EPHA6: variants seen among roughly 807,000 people sequenced by gnomAD.
EPHA6 encodes EPH receptor A6.
Under a neutral mutation model 112.0 loss-of-function variants are expected in EPHA6, and 50 were observed. The observed-to-expected ratio is 0.45, with a 90% CI of 0.36 to 0.56. The LOEUF (loss-of-function observed/expected upper bound fraction) is 0.56. Ranked by LOEUF, EPHA6 falls within the 20% of genes least tolerant of loss-of-function variation. The pLI is 0.00. For synonymous variants in EPHA6, 529 were observed against 490.7 expected, an observed-to-expected ratio of 1.08 and a Z score of -1.03; for missense variants, 1,280 against 1,417.4, an observed-to-expected ratio of 0.90 and a Z score of 1.56.
At chr3:97,602,434 G>A (rs879892438) in intron 12 of EPHA6, among the ~76,000 whole-genome samples, 2 of 152,002 alleles carry the variant, frequency 1.3e-5, no homozygotes, top group African/African-American at 2.4e-5. Context: ...ATAAGACACA[G>A]AGATTTGGGG....
intron 2 of EPHA6, among the ~76,000 whole-genome samples, chr3:96,968,706 T>C (rs1211059479): frequency 1.3e-5 from 2 of 151,846 alleles, no homozygotes; most frequent in African/African-American, 4.8e-5. Flanking sequence ...CTAACAGCAA[T>C]TTTAGTTTAC....
intron 11 of EPHA6, among the ~76,000 whole-genome samples, chr3:97,554,094 G>T (rs2093068652): frequency 6.6e-6 from 1 of 152,232 alleles, no homozygotes; most frequent in South Asian, 2.1e-4. Context: ...TTCATTAACT[G>T]CAATTTAGTT....
chr3:97,354,925 T>G (rs185496765), intron 5 of EPHA6, among the ~76,000 whole-genome samples: 2 of 152,130 alleles, frequency 1.3e-5, no homozygotes, highest in African/African-American at 4.8e-5. Context: ...CAGTGGAAAC[T>G]TTACAGATCA....
intron 6 of EPHA6, among the ~76,000 whole-genome samples, chr3:97,425,098 T>A (rs1210267414): frequency 1.3e-5 from 2 of 152,176 alleles, no homozygotes; most frequent in East Asian, 3.9e-4. Context: ...CTGGCTGCTA[T>A]CACAGGCTGG....
intron 3 of EPHA6, among the ~76,000 whole-genome samples, chr3:96,998,681 T>C (rs2043514399): frequency 1.3e-5 from 2 of 151,930 alleles, no homozygotes; most frequent in Non-Finnish European, 2.9e-5. Context: ...TTTAGTTATA[T>C]CTGATGTGTC....
At chr3:97,701,622 A>G (rs896563052) in intron 14 of EPHA6, among the ~76,000 whole-genome samples, 10 of 151,290 alleles carry the variant, frequency 6.6e-5, no homozygotes, top group African/African-American at 9.7e-5. Flanking sequence ...ATATATGTAT[A>G]TATATATATA....
intron 5 of EPHA6, among the ~76,000 whole-genome samples, chr3:97,312,632 G>A (rs562534347): frequency 2.4e-4 from 36 of 151,230 alleles, no homozygotes; most frequent in African/African-American, 7.3e-4. Context: ...TATTTTATAC[G>A]TATCCTTTAT....
chr3:97,139,595 C>T (rs1015785949), intron 3 of EPHA6, among the ~76,000 whole-genome samples: 1 of 152,166 alleles, frequency 6.6e-6, no homozygotes, highest in Non-Finnish European at 1.5e-5. Context: ...GGAATTCATA[C>T]AGAGACTTGG....
intron 13 of EPHA6, among the ~76,000 whole-genome samples, chr3:97,634,826 C>G (rs1308128577): frequency 6.6e-6 from 1 of 152,060 alleles, no homozygotes; most frequent in Admixed American, 6.6e-5. Flanking sequence ...CCCAATCCTG[C>G]TTTCTTCTCT....
At position 97,535,907 on chromosome 3, in the gene EPHA6, A is replaced by T. The variant is rs138533873; in HGVS notation, c.2386+3364A>T. ...CAAGTGTTATAAAGTTCTTGGGAAC[A>T]CTTTGGCTCTCTTTCATATTTGGGC... On this transcript the variant is annotated intron_variant, in intron 11 of 17. Transcript: ENST00000389672. 3.7e-3 allele frequency among the ~76,000 whole-genome samples: 559 copies of T among 152,262 alleles called. 7 individuals are homozygous for T. Among genetic ancestry groups the T allele is most frequent in the African/African-American group, 0.013 (540 of 41,562 alleles).
chr3:97,600,313 A>G (rs1277875649), intron 12 of EPHA6, among the ~76,000 whole-genome samples: 1 of 149,768 alleles, frequency 6.7e-6, no homozygotes, highest in Non-Finnish European at 1.5e-5. Flanking sequence ...GTTGAATAGG[A>G]GTGGTGAGAG....
chr3:97,382,024 C>T (rs974905986), intron 5 of EPHA6, among the ~76,000 whole-genome samples: 7 of 151,986 alleles, frequency 4.6e-5, no homozygotes, highest in African/African-American at 1.7e-4. Context: ...TATTTATTTA[C>T]AAACAATGTC....
At chr3:97,080,757 C>T (rs982833041) in intron 3 of EPHA6, among the ~76,000 whole-genome samples, 1 of 151,838 alleles carries the variant, frequency 6.6e-6, no homozygotes, top group Non-Finnish European at 1.5e-5. Flanking sequence ...GTTTGAATTT[C>T]CTGTTCCTTT....
At chr3:97,633,049 G>A (rs555540673) in intron 13 of EPHA6, among the ~76,000 whole-genome samples, 4 of 152,162 alleles carry the variant, frequency 2.6e-5, no homozygotes, top group East Asian at 1.9e-4. Context: ...ATGAAGCAGC[G>A]CCTTGACAAC....
At position 97,399,295 on chromosome 3, in the gene EPHA6, A is replaced by G. The variant is rs1034738059; in HGVS notation, c.1607-5855A>G. Among the ~76,000 whole-genome samples, 26 of 151,644 alleles carry G rather than the reference A, an allele frequency of 1.7e-4. 1 individual carries two copies. The highest frequency in any genetic ancestry group is 7.2e-4 in the Admixed American group (11 of 15,184). On this transcript the variant is annotated intron_variant, in intron 5 of 17. Coordinates refer to ENST00000389672, the MANE Select transcript of EPHA6 (RefSeq NM_001080448.3). ...GAAATTCATTCTTTTTAACAGTGGA[A>G]TAGTATTCCATTGTGTGTGTTACAT...
intron 3 of EPHA6, among the ~76,000 whole-genome samples, chr3:97,196,692 TG>T (rs893490114): frequency 6.6e-6 from 1 of 151,954 alleles, no homozygotes; most frequent in East Asian, 2.0e-4. Flanking sequence ...ATCTACATTA[TG>T]AGGCACACCA....
intron 5 of EPHA6, among the ~76,000 whole-genome samples, chr3:97,325,029 T>G (rs1399875281): frequency 6.6e-6 from 1 of 152,080 alleles, no homozygotes; most frequent in Non-Finnish European, 1.5e-5. Flanking sequence ...GGTTCCACAC[T>G]ACTTTGGAGG....
chr3:97,283,262 ATTG>A (rs1255276993), intron 5 of EPHA6, among the ~76,000 whole-genome samples: 2 of 152,206 alleles, frequency 1.3e-5, no homozygotes, highest in African/African-American at 4.8e-5. Context: ...GAATTTTGAA[ATTG>A]TTTAGTTCCA....
chr3:96,830,266 T>G (rs944219885), intron 1 of EPHA6, among the ~76,000 whole-genome samples: 1 of 152,156 alleles, frequency 6.6e-6, no homozygotes, highest in East Asian at 1.9e-4. Context: ...AGAGGATATT[T>G]CCCTGAAAAA....
Sources: allele counts gnomAD v4.1 joint callset (sites outside exome capture counted in the v4.1 genomes callset), GRCh38; gene constraint gnomAD v4.1.1; transcripts MANE v1.5; gene names NCBI Gene and HGNC (gene_info 2026-07-23, HGNC 2026-07-21).